Variants in ASXL3 observed in about 807,000 individuals in gnomAD.
The protein encoded by ASXL3 is putative Polycomb group protein ASXL3.
ASXL3 carries 34 observed loss-of-function variants against 170.6 expected under a neutral mutation model. That is an observed-to-expected ratio of 0.20 (90% CI 0.15 to 0.27). The LOEUF (loss-of-function observed/expected upper bound fraction) is 0.27. ASXL3 is among the 10% of genes least tolerant of loss of function. The probability of loss-of-function intolerance (pLI) is 1.00; values close to 1 mark genes in which losing one functional copy is unlikely to be tolerated. For synonymous variants in ASXL3, 1,002 were observed against 989.1 expected, an observed-to-expected ratio of 1.01 and a Z score of -0.24; for missense variants, 2,592 against 2,695.3, an observed-to-expected ratio of 0.96 and a Z score of 0.85.
At chr18:33,722,821 G>C (rs2067285565) in intron 8 of ASXL3, among the ~76,000 whole-genome samples, 1 of 152,126 alleles carries the variant, frequency 6.6e-6, no homozygotes, top group African/African-American at 2.4e-5. Context: ...TGGCTTGAAA[G>C]GATAGGCTTA....
intron 8 of ASXL3, among the ~76,000 whole-genome samples, chr18:33,690,005 G>A (rs931573492): frequency 3.5e-4 from 53 of 152,128 alleles, no homozygotes; most frequent in Middle Eastern, 3.4e-3. Flanking sequence ...CCTCTGACAT[G>A]TCTCCATTAT....
At chr18:33,601,712 A>G (rs1289437035) in intron 1 of ASXL3, among the ~76,000 whole-genome samples, 2 of 149,536 alleles carry the variant, frequency 1.3e-5, no homozygotes, top group Non-Finnish European at 3.0e-5. Context: ...ATTAATGACA[A>G]TTTTGACAGG....
intron 7 of ASXL3, among the ~76,000 whole-genome samples, chr18:33,676,775 C>T (rs1465397030): frequency 6.6e-6 from 1 of 152,170 alleles, no homozygotes; most frequent in African/African-American, 2.4e-5. Context: ...TAATAATACC[C>T]TCTCTCCTTG....
intron 5 of ASXL3, among the ~76,000 whole-genome samples, chr18:33,669,709 GGGATGTTGTAAAATT>G (rs2066310803): frequency 6.6e-6 from 1 of 152,090 alleles, no homozygotes; most frequent in African/African-American, 2.4e-5. Context: ...TCAAGTAACT[GGGATGTTGTAAAATT>G]GGTAGAAATT....
chr18:33,588,771 C>G (rs575451406), intron 1 of ASXL3, among the ~76,000 whole-genome samples: 2 of 152,238 alleles, frequency 1.3e-5, no homozygotes, highest in Admixed American at 6.5e-5. Flanking sequence ...TTTGCATTTT[C>G]ATAGCAACAA....
chr18:33,734,384 G>C lies in ASXL3; in HGVS notation c.1051G>C (p.Glu351Gln). The C allele has an allele frequency of 6.2e-7, 1 of 1,607,318 alleles. No homozygotes were observed. The highest frequency in any genetic ancestry group is 8.5e-7 in the Non-Finnish European group (1 of 1,177,502). ...EKEKKTEPWK[E>Q]KFFERFYGEK... ...GGAAAAGAAAACAGAACCTTGGAAAGAAAAATTCTTTGAGAGGTTTTATGG... is the reference window on the plus strand; with the variant it reads ...GGAAAAGAAAACAGAACCTTGGAAACAAAAATTCTTTGAGAGGTTTTATGG... Residue 351 changes from glutamate (E) to glutamine (Q), a missense_variant, in exon 10 of 12, where the codon GAA (glutamate) becomes CAA (glutamine). Transcript: ENST00000269197.
chr18:33,584,502 T>C (rs553618940), intron 1 of ASXL3, among the ~76,000 whole-genome samples: 9 of 152,184 alleles, frequency 5.9e-5, no homozygotes, highest in African/African-American at 1.7e-4. Context: ...TGATGGGGGG[T>C]GCACCAGTGA....
At chr18:33,578,801 G>C (rs1469506642) in intron 1 of ASXL3, 116 bp downstream of exon 1, 2 of 616,100 alleles carry the variant, frequency 3.2e-6, no homozygotes, top group Non-Finnish European at 4.3e-6. Flanking sequence ...CCCGCTCGCC[G>C]GGCTCCTGCT....
chr18:33,597,560 G>A (rs1365020600), intron 1 of ASXL3, among the ~76,000 whole-genome samples: 1 of 151,766 alleles, frequency 6.6e-6, no homozygotes, highest in African/African-American at 2.4e-5. Context: ...AATACCTAAA[G>A]GTAGATGAAG....
At chr18:33,579,630 T>C (rs2064976645) in intron 1 of ASXL3, among the ~76,000 whole-genome samples, 1 of 152,184 alleles carries the variant, frequency 6.6e-6, no homozygotes, top group African/African-American at 2.4e-5. Context: ...TCTTCCTATC[T>C]TCTTTTAAAG....
At chr18:33,601,683 A>G (rs2065184259) in intron 1 of ASXL3, among the ~76,000 whole-genome samples, 1 of 151,444 alleles carries the variant, frequency 6.6e-6, no homozygotes, top group South Asian at 2.1e-4. Flanking sequence ...GAAGAATATC[A>G]TTAAACAAGA....
intron 2 of ASXL3, among the ~76,000 whole-genome samples, chr18:33,631,086 A>G (rs188683072): frequency 6.2e-4 from 95 of 152,192 alleles, no homozygotes; most frequent in African/African-American, 2.2e-3. Flanking sequence ...ATAATTGGCT[A>G]CATAACATTT....
At chr18:33,737,547 C>G (rs371057939) in intron 10 of ASXL3, among the ~76,000 whole-genome samples, 1 of 152,102 alleles carries the variant, frequency 6.6e-6, no homozygotes, top group Non-Finnish European at 1.5e-5. Flanking sequence ...TGCCTTAAGA[C>G]CTGAACATCA....
At chr18:33,696,573 A>G (rs1599506892) in intron 8 of ASXL3, among the ~76,000 whole-genome samples, 1 of 151,966 alleles carries the variant, frequency 6.6e-6, no homozygotes, top group Non-Finnish European at 1.5e-5. Flanking sequence ...TCAGGAGGAA[A>G]CTCTGTGGGA....
chr18:33,685,290 C>A (rs141625391), intron 8 of ASXL3, among the ~76,000 whole-genome samples: 1 of 152,156 alleles, frequency 6.6e-6, no homozygotes, highest in Non-Finnish European at 1.5e-5. Flanking sequence ...AAAATGCAGC[C>A]GTCATCATCC....
intron 7 of ASXL3, among the ~76,000 whole-genome samples, chr18:33,681,202 T>C (rs545630872): frequency 3.4e-4 from 51 of 152,212 alleles, no homozygotes; most frequent in Non-Finnish European, 7.4e-4. Context: ...TCCACTTTGT[T>C]TGATTCCTCC....
chr18:33,707,347 T>C (rs1201059236), intron 8 of ASXL3, among the ~76,000 whole-genome samples: 1 of 151,972 alleles, frequency 6.6e-6, no homozygotes, highest in African/African-American at 2.4e-5. Context: ...TTCCAATCCA[T>C]GACCATAACT....
At chr18:33,733,344 A>G (rs1249758771) in intron 9 of ASXL3, among the ~76,000 whole-genome samples, 2 of 152,100 alleles carry the variant, frequency 1.3e-5, no homozygotes, top group Admixed American at 6.6e-5. Flanking sequence ...TGTTTCCTCT[A>G]TTTCTGTAAT....
At chr18:33,590,111 G>GTTTTTTGTTTTTTTTTTTTTTTTTTT in intron 1 of ASXL3, among the ~76,000 whole-genome samples, 1 of 83,186 alleles carries the variant, frequency 1.2e-5, no homozygotes, top group Non-Finnish European at 2.2e-5. Flanking sequence ...TGCTTTCTAT[G>GTTTTTTGTTTTTTTTTTTTTTTTTTT]TTTTTTTTTT....
Sources: gnomAD v4.1 joint callset for allele counts (sites outside exome capture counted in the v4.1 genomes callset) on GRCh38, gnomAD v4.1.1 for gene constraint, MANE v1.5 for transcripts, NCBI Gene and HGNC (gene_info 2026-07-23, HGNC 2026-07-21) for gene names.